PPFIA2: variants seen among roughly 807,000 people sequenced by gnomAD.
PPFIA2 encodes the protein liprin-alpha-2.
PPFIA2 carries 46 observed loss-of-function variants against 175.5 expected under a neutral mutation model. The ratio of observed to expected loss-of-function variants is 0.26; its 90% CI spans 0.21 to 0.34. The LOEUF (loss-of-function observed/expected upper bound fraction) is 0.34, where lower values mean the gene tolerates loss of function less well. Among genes scored for constraint, PPFIA2 ranks in the 10% least tolerant of loss-of-function variants. The pLI is 1.00. For missense variants in PPFIA2, 1,179 were observed against 1,506.1 expected, an observed-to-expected ratio of 0.78 and a Z score of 3.60; for synonymous variants, 568 against 511.4, an observed-to-expected ratio of 1.11 and a Z score of -1.49.
intron 4 of PPFIA2, among the ~76,000 whole-genome samples, chr12:81,616,328 T>A (rs2061422585): frequency 6.6e-6 from 1 of 152,158 alleles, no homozygotes; most frequent in South Asian, 2.1e-4. Flanking sequence ...CTCCGTCAAA[T>A]TCTATGATTT....
chr12:81,603,347 T>C (rs1194688052), intron 4 of PPFIA2, among the ~76,000 whole-genome samples: 1 of 151,774 alleles, frequency 6.6e-6, no homozygotes, highest in East Asian at 1.9e-4. Flanking sequence ...CTGGCACATA[T>C]TTGAGGGGAA....
chr12:81,744,379 T>G (rs2082749414), intron 3 of PPFIA2, among the ~76,000 whole-genome samples: 1 of 151,628 alleles, frequency 6.6e-6, no homozygotes, highest in African/African-American at 2.4e-5. Flanking sequence ...TTTGCCTTAC[T>G]AAAACTTAGA....
At chr12:81,540,040 G>T (rs374426924) in intron 4 of PPFIA2, among the ~76,000 whole-genome samples, 39 of 151,906 alleles carry the variant, frequency 2.6e-4, no homozygotes, top group African/African-American at 9.2e-4. Flanking sequence ...CCCACAATGT[G>T]GAAAAACAGA....
intron 4 of PPFIA2, among the ~76,000 whole-genome samples, chr12:81,647,715 C>T (rs886731646): frequency 2.0e-5 from 3 of 148,520 alleles, no homozygotes; most frequent in Admixed American, 6.8e-5. Context: ...GAGCCAAGAT[C>T]GTGCCACTAC....
rs531741589 is a variant in PPFIA2, at chr12:81,445,547, A to G, written c.570+9T>C. The stretch of plus-strand genomic sequence containing the variant: ...GTAGTTAAGCTTGAACTCTTTTTCC[A>G]TACTATACCTTTTCATCCAAGGCCT... On this transcript the variant is annotated intron_variant, in intron 6 of 32. Coordinates refer to ENST00000549396, the MANE Select transcript of PPFIA2 (RefSeq NM_003625.5). 268 of 1,610,270 alleles carry G rather than the reference A, an allele frequency of 1.7e-4. 2 individuals carry two copies. In the South Asian group the frequency reaches 2.5e-3, roughly 15 times the overall value.
intron 4 of PPFIA2, among the ~76,000 whole-genome samples, chr12:81,633,976 G>A (rs747845773): frequency 1.3e-5 from 2 of 152,026 alleles, no homozygotes; most frequent in African/African-American, 4.8e-5. Flanking sequence ...GAGGTGAACA[G>A]CTATTCAAAA....
At chr12:81,627,152 A>G (rs1360682169) in intron 4 of PPFIA2, among the ~76,000 whole-genome samples, 1 of 152,078 alleles carries the variant, frequency 6.6e-6, no homozygotes, top group Admixed American at 6.6e-5. Context: ...AAAGGGGCTG[A>G]TAAATGGATA....
In PPFIA2 at chr12:81,325,833, G is replaced by A; in HGVS notation, c.2586C>T (p.Ser862=). 6.2e-7 allele frequency: 1 copy of A among 1,612,564 alleles called. No homozygotes were observed. Among genetic ancestry groups the A allele is most frequent in the Non-Finnish European group, 8.5e-7 (1 of 1,179,026 alleles). ...GAGTTCCGAGTTTGCCTAACCCCAGGGACTCCTGAGCTGCAGCTTCAGTCT... is the reference window on the plus strand; with the variant it reads ...GAGTTCCGAGTTTGCCTAACCCCAGAGACTCCTGAGCTGCAGCTTCAGTCT... ...FMETEAAAQE[S]LGLGKLGTQA... Residue 862 remains serine (S), a synonymous_variant, in exon 22 of 33, where the codon TCC becomes TCT. Coordinates refer to ENST00000549396, the MANE Select transcript of PPFIA2 (RefSeq NM_003625.5).
chr12:81,309,449 G>C (rs937623300), intron 22 of PPFIA2, among the ~76,000 whole-genome samples: 4 of 152,006 alleles, frequency 2.6e-5, no homozygotes, highest in Non-Finnish European at 4.4e-5. Flanking sequence ...TACATATTTA[G>C]CTTCATAAAA....
intron 3 of PPFIA2, among the ~76,000 whole-genome samples, chr12:81,729,938 T>C (rs914306371): frequency 1.3e-4 from 20 of 151,546 alleles, no homozygotes; most frequent in African/African-American, 4.4e-4. Flanking sequence ...TGGAATGAGC[T>C]TGGAAAGGGA....
At chr12:81,506,510 A>G (rs2061186201) in intron 4 of PPFIA2, among the ~76,000 whole-genome samples, 1 of 152,224 alleles carries the variant, frequency 6.6e-6, no homozygotes, top group African/African-American at 2.4e-5. Flanking sequence ...CAAACCAAAT[A>G]CAGTATTTGG....
intron 4 of PPFIA2, among the ~76,000 whole-genome samples, chr12:81,520,954 G>C (rs1431625635): frequency 6.6e-6 from 1 of 152,056 alleles, no homozygotes; most frequent in Non-Finnish European, 1.5e-5. Context: ...GATTTTTTTA[G>C]GGGGGGTGAG....
chr12:81,565,220 C>A (rs1378603007), intron 4 of PPFIA2, among the ~76,000 whole-genome samples: 1 of 152,120 alleles, frequency 6.6e-6, no homozygotes, highest in Non-Finnish European at 1.5e-5. Context: ...ACAGTGATGA[C>A]CTCCCCTGAG....
At chr12:81,342,682 C>T (rs189934221) in intron 19 of PPFIA2, among the ~76,000 whole-genome samples, 4 of 152,124 alleles carry the variant, frequency 2.6e-5, no homozygotes, top group East Asian at 1.9e-4. Flanking sequence ...AACTCTTAAG[C>T]GTGTTTCTGA....
At chr12:81,314,347 C>T (rs1056561097) in intron 22 of PPFIA2, among the ~76,000 whole-genome samples, 14 of 151,706 alleles carry the variant, frequency 9.2e-5, no homozygotes, top group Admixed American at 3.9e-4. Flanking sequence ...CATTATTTTT[C>T]TCTCCATGTC....
At chr12:81,671,673 C>A (rs573728650) in intron 4 of PPFIA2, among the ~76,000 whole-genome samples, 99 of 152,046 alleles carry the variant, frequency 6.5e-4, no homozygotes, top group Non-Finnish European at 1.1e-3. Flanking sequence ...TTATCATATT[C>A]TTGCCCAGGC....
intron 4 of PPFIA2, among the ~76,000 whole-genome samples, chr12:81,530,188 C>T (rs1346568505): frequency 6.6e-6 from 1 of 151,912 alleles, no homozygotes; most frequent in Admixed American, 6.6e-5. Context: ...AGGTGGGTAG[C>T]TGACACAGAC....
intron 17 of PPFIA2, among the ~76,000 whole-genome samples, chr12:81,351,457 G>GA (rs1335936855): frequency 6.6e-6 from 1 of 151,936 alleles, no homozygotes; most frequent in African/African-American, 2.4e-5. Flanking sequence ...ATTAATATGT[G>GA]AAAAATGTAT....
chr12:81,561,772 C>G (rs1267353270), intron 4 of PPFIA2, among the ~76,000 whole-genome samples: 1 of 152,148 alleles, frequency 6.6e-6, no homozygotes, highest in Non-Finnish European at 1.5e-5. Context: ...TCTCCACTTT[C>G]TAGGCTTGCT....
Sources: allele counts gnomAD v4.1 joint callset (sites outside exome capture counted in the v4.1 genomes callset), GRCh38; gene constraint gnomAD v4.1.1; transcripts MANE v1.5; gene names NCBI Gene and HGNC (gene_info 2026-07-23, HGNC 2026-07-21).